MALRD1: variants seen among roughly 807,000 people sequenced by gnomAD.
MALRD1 encodes the protein MAM and LDL-receptor class A domain-containing protein 1.
In MALRD1, 247 loss-of-function variants were observed where a neutral mutation model predicts 242.1. That is an observed-to-expected ratio of 1.02 (90% CI 0.92 to 1.13). MALRD1 has a LOEUF of 1.13. Ranked by LOEUF, MALRD1 falls within the 50% of genes most tolerant of loss-of-function variation. MALRD1 has a pLI of 0.00. For synonymous variants in MALRD1, 995 were observed against 866.6 expected (o/e 1.15, Z -2.60); for missense variants, 2,989 against 2,533.1 (o/e 1.18, Z -3.86).
intron 1 of MALRD1, among the ~76,000 whole-genome samples, chr10:19,052,456 G>A (rs1834537374): frequency 6.6e-6 from 1 of 152,160 alleles, no homozygotes; most frequent in Non-Finnish European, 1.5e-5. Context: ...GATCAAGAAA[G>A]TGTATTTAAA....
intron 5 of MALRD1, among the ~76,000 whole-genome samples, chr10:19,113,679 C>T (rs1312197383): frequency 2.7e-5 from 4 of 150,494 alleles, no homozygotes; most frequent in Non-Finnish European, 4.4e-5. Context: ...TTTGATATGT[C>T]CTTCCACCAT....
At chr10:19,595,645 G>A (rs566018684) in intron 34 of MALRD1, among the ~76,000 whole-genome samples, 188 bp downstream of exon 34, 5 of 152,058 alleles carry the variant, frequency 3.3e-5, no homozygotes, top group East Asian at 1.9e-4. Context: ...GCAACACCCC[G>A]TTTGTGGTCA....
At chr10:19,365,817 A>G (rs1481790719) in intron 26 of MALRD1, among the ~76,000 whole-genome samples, 1 of 152,120 alleles carries the variant, frequency 6.6e-6, no homozygotes, top group Non-Finnish European at 1.5e-5. Context: ...ACAGACCAGT[A>G]TAAATTCAAC....
chr10:19,490,500 G>T, intron 29 of MALRD1, among the ~76,000 whole-genome samples: 1 of 45,812 alleles, frequency 2.2e-5, no homozygotes, highest in African/African-American at 7.2e-5. Flanking sequence ...AAGAAGCCAA[G>T]TGGGGCGGGG....
chr10:19,191,116 A>G (rs1228013983), intron 14 of MALRD1, among the ~76,000 whole-genome samples: 1 of 152,204 alleles, frequency 6.6e-6, no homozygotes, highest in Non-Finnish European at 1.5e-5. Flanking sequence ...TAATAAACCA[A>G]CAGCTCAATT....
At chr10:19,711,635 G>A (rs997942514) in intron 38 of MALRD1, among the ~76,000 whole-genome samples, 4 of 152,044 alleles carry the variant, frequency 2.6e-5, no homozygotes, top group African/African-American at 9.7e-5. Flanking sequence ...AATCCACCAA[G>A]TGTCAAAGAA....
chr10:19,144,979 C>G (rs1054515398), intron 10 of MALRD1, among the ~76,000 whole-genome samples: 7 of 152,120 alleles, frequency 4.6e-5, no homozygotes, highest in Admixed American at 3.9e-4. Context: ...ACTTAATTCT[C>G]CTTTTCTTCC....
intron 18 of MALRD1, among the ~76,000 whole-genome samples, chr10:19,228,293 T>C (rs1837886599): frequency 6.6e-6 from 1 of 152,082 alleles, no homozygotes; most frequent in African/African-American, 2.4e-5. Context: ...AAGCTAGACA[T>C]GAAAGACACC....
intron 21 of MALRD1, among the ~76,000 whole-genome samples, chr10:19,309,497 T>A (rs1056884988): frequency 1.3e-5 from 2 of 151,470 alleles, no homozygotes; most frequent in African/African-American, 4.8e-5. Flanking sequence ...TAAAAGGTAC[T>A]ATACTGAACA....
chr10:19,308,015 C>A (rs1842286810), intron 21 of MALRD1, among the ~76,000 whole-genome samples: 1 of 151,460 alleles, frequency 6.6e-6, no homozygotes, highest in African/African-American at 2.4e-5. Context: ...AAGAATTTAT[C>A]CTTTGTGTTA....
At position 19,639,468 on chromosome 10, in the gene MALRD1, T is replaced by C. The variant is rs544102896; in HGVS notation, c.6137+23545T>C. Among the ~76,000 whole-genome samples, 4 of 152,256 alleles carry C rather than the reference T, an allele frequency of 2.6e-5. No individual in the cohort carries two copies. In the South Asian group the frequency reaches 8.3e-4, roughly 32 times the overall value. ...GGCAACATTTCCTCAGTTCACACCA[T>C]ACATTTTGAGACATCAGCAACAAAA... is the stretch of plus-strand genomic sequence containing the variant. On this transcript the variant is annotated intron_variant, in intron 36 of 39. Coordinates refer to ENST00000454679, the MANE Select transcript of MALRD1 (RefSeq NM_001142308.3).
chr10:19,418,473 C>G (rs1004796342), intron 28 of MALRD1, among the ~76,000 whole-genome samples: 1 of 152,046 alleles, frequency 6.6e-6, no homozygotes, highest in Non-Finnish European at 1.5e-5. Context: ...CTCCAACAGC[C>G]ACTGCTATGC....
At chr10:19,595,796 C>A (rs1480662039) in intron 34 of MALRD1, among the ~76,000 whole-genome samples, 1 of 151,998 alleles carries the variant, frequency 6.6e-6, no homozygotes, top group African/African-American at 2.4e-5. Flanking sequence ...TTCTTCCTAC[C>A]ATAAAGGTTC....
At chr10:19,457,512 A>T (rs917748865) in intron 29 of MALRD1, among the ~76,000 whole-genome samples, 23 of 152,208 alleles carry the variant, frequency 1.5e-4, no homozygotes, top group Middle Eastern at 3.4e-3. Flanking sequence ...ACAGCTGATG[A>T]TCTGGCAAAG....
At chr10:19,438,825 C>G (rs1465462008) in intron 28 of MALRD1, among the ~76,000 whole-genome samples, 2 of 12,712 alleles carry the variant, frequency 1.6e-4, no homozygotes, top group Non-Finnish European at 4.8e-4. Flanking sequence ...GACAAGCCTT[C>G]TTCTTTGTAG....
chr10:19,405,648 AG>A (rs1176335552), intron 28 of MALRD1, among the ~76,000 whole-genome samples: 1 of 152,190 alleles, frequency 6.6e-6, no homozygotes, highest in African/African-American at 2.4e-5. Context: ...CTTAGAACCC[AG>A]AATATGGCTG....
At chr10:19,502,029 A>AAT (rs371306759) in intron 31 of MALRD1, among the ~76,000 whole-genome samples, 1 of 95,936 alleles carries the variant, frequency 1.0e-5, no homozygotes, top group Non-Finnish European at 2.0e-5. Flanking sequence ...AAAAAAAGAA[A>AAT]AGAAAAGAAA....
chr10:19,551,244 C>T (rs1033628077), intron 32 of MALRD1, among the ~76,000 whole-genome samples: 1 of 152,050 alleles, frequency 6.6e-6, no homozygotes, highest in African/African-American at 2.4e-5. Context: ...TATTTCCTCC[C>T]ATCGTCTCTG....
chr10:19,175,650 C>T (rs936494408), intron 14 of MALRD1, among the ~76,000 whole-genome samples: 1 of 151,426 alleles, frequency 6.6e-6, no homozygotes, highest in Non-Finnish European at 1.5e-5. Context: ...TAAATATTCA[C>T]TTCTCCATTA....
Sources: gnomAD v4.1 joint callset for allele counts (sites outside exome capture counted in the v4.1 genomes callset) on GRCh38, gnomAD v4.1.1 for gene constraint, MANE v1.5 for transcripts, NCBI Gene and HGNC (gene_info 2026-07-23, HGNC 2026-07-21) for gene names.